Variants in HCN1 observed in about 807,000 individuals in gnomAD.
HCN1 encodes hyperpolarization activated cyclic nucleotide gated potassium channel 1.
HCN1 carries 13 observed loss-of-function variants against 78.9 expected under a neutral mutation model. That is an observed-to-expected ratio of 0.16 (90% CI 0.11 to 0.26). The LOEUF is 0.26. Among genes scored for constraint, HCN1 ranks in the 10% least tolerant of loss-of-function variants. The probability of loss-of-function intolerance (pLI) is 1.00; values close to 1 mark genes in which losing one functional copy is unlikely to be tolerated. For missense variants in HCN1, 810 were observed against 1,154.3 expected, an observed-to-expected ratio of 0.70 and a Z score of 4.32; for synonymous variants, 552 against 455.5, an observed-to-expected ratio of 1.21 and a Z score of -2.70.
At chr5:45,693,288 C>T (rs1376628076) in intron 1 of HCN1, among the ~76,000 whole-genome samples, 174 of 152,028 alleles carry the variant, frequency 1.1e-3, no homozygotes, top group African/African-American at 4.1e-3. Context: ...TAAATATATT[C>T]TGAATGTAAA....
chr5:45,420,068 C>T (rs917055570), intron 3 of HCN1, among the ~76,000 whole-genome samples: 1 of 152,146 alleles, frequency 6.6e-6, no homozygotes, highest in Non-Finnish European at 1.5e-5. Flanking sequence ...TAAATCTATG[C>T]ACTGAAGAAA....
intron 2 of HCN1, among the ~76,000 whole-genome samples, chr5:45,505,760 A>C (rs1482424425): frequency 6.6e-6 from 1 of 152,214 alleles, no homozygotes; most frequent in Non-Finnish European, 1.5e-5. Context: ...ATAAATATAC[A>C]TGCATATAGG....
chr5:45,348,034 G>A (rs975200580), intron 5 of HCN1, among the ~76,000 whole-genome samples: 1 of 152,098 alleles, frequency 6.6e-6, no homozygotes, highest in Non-Finnish European at 1.5e-5. Context: ...GATACTCCTT[G>A]AGAAGAGCAA....
At position 45,262,212 on chromosome 5, in the gene HCN1, G is replaced by A. The variant is rs754764304; in HGVS notation, c.2382C>T (p.Pro794=). The A allele has an allele frequency of 1.2e-5, 20 of 1,613,898 alleles. No homozygotes were observed. In the East Asian group the frequency reaches 3.6e-4, roughly 29 times the overall value. The change falls in exon 8 of 8, where the codon CCC becomes CCT. Residue 794 remains proline (P), a synonymous_variant. Coordinates refer to ENST00000303230, the MANE Select transcript of HCN1 (RefSeq NM_021072.4). ...RPLSASQPSL[P]HEVSTLISRP... ...TGGAAATCAGAGTGGACACCTCATG[G>A]GGCAGCGAGGGCTGCGAGGCGGAGA...
chr5:45,308,811 C>A (rs1298168725), intron 5 of HCN1, among the ~76,000 whole-genome samples: 1 of 152,090 alleles, frequency 6.6e-6, no homozygotes, highest in African/African-American at 2.4e-5. Context: ...ATGCCTCCAG[C>A]TTTGTTCTTT....
intron 2 of HCN1, among the ~76,000 whole-genome samples, chr5:45,494,726 G>C (rs1741985207): frequency 6.6e-6 from 1 of 152,118 alleles, no homozygotes; most frequent in African/African-American, 2.4e-5. Context: ...GGTTTTTATG[G>C]TTTTAGGTCT....
intron 2 of HCN1, among the ~76,000 whole-genome samples, chr5:45,504,943 G>T (rs905284493): frequency 6.6e-6 from 1 of 151,988 alleles, no homozygotes; most frequent in African/African-American, 2.4e-5. Context: ...TTTTTGATGG[G>T]GTTGTTTGTT....
intron 2 of HCN1, among the ~76,000 whole-genome samples, chr5:45,466,216 G>T (rs1407756554): frequency 6.6e-6 from 1 of 152,052 alleles, no homozygotes; most frequent in Non-Finnish European, 1.5e-5. Context: ...CTTTCCTGAT[G>T]AACTGGATTC....
intron 3 of HCN1, among the ~76,000 whole-genome samples, chr5:45,404,219 T>C (rs1252886469): frequency 2.0e-5 from 3 of 152,168 alleles, no homozygotes; most frequent in Admixed American, 1.3e-4. Context: ...AAGATGACTG[T>C]ATTATATTTT....
At chr5:45,451,436 T>C (rs1485183425) in intron 3 of HCN1, among the ~76,000 whole-genome samples, 1 of 152,062 alleles carries the variant, frequency 6.6e-6, no homozygotes, top group Non-Finnish European at 1.5e-5. Context: ...ATTTGCCTAA[T>C]ATTTACTGAT....
chr5:45,696,120 G>A lies in HCN1; in HGVS notation c.-27C>T. On this transcript the variant is annotated 5_prime_UTR_variant, in exon 1 of 8. Transcript: ENST00000303230. ...CCCGGAGGACGCGGCCGGCGACGGC[G>A]CGGGCTCCAGACTCGCCGGCCGCCC... is the stretch of plus-strand genomic sequence containing the variant. 7.6e-7 allele frequency: 1 copy of A among 1,310,852 alleles called. No individual in the cohort carries two copies. The highest frequency in any genetic ancestry group is 9.8e-7 in the Non-Finnish European group (1 of 1,017,042). 81.2% of individuals were successfully genotyped at this position (1,310,852 alleles called of 1,614,324 possible). A position where few individuals can be genotyped will look rare whatever the true frequency, so the allele number is the denominator to read the frequency against.
intron 4 of HCN1, among the ~76,000 whole-genome samples, chr5:45,389,763 A>C (rs1748002494): frequency 6.6e-6 from 1 of 152,160 alleles, no homozygotes; most frequent in South Asian, 2.1e-4. Flanking sequence ...CCTGCTTAAC[A>C]TATTTGTATT....
At chr5:45,292,723 C>G (rs1013324256) in intron 6 of HCN1, among the ~76,000 whole-genome samples, 3 of 151,834 alleles carry the variant, frequency 2.0e-5, no homozygotes, top group African/African-American at 7.3e-5. Context: ...TGCTTCACTA[C>G]TTTTCTAAGT....
At chr5:45,288,427 G>C (rs1365126748) in intron 6 of HCN1, among the ~76,000 whole-genome samples, 1 of 151,978 alleles carries the variant, frequency 6.6e-6, no homozygotes, top group African/African-American at 2.4e-5. Context: ...CACCCTTCAA[G>C]AGTCCCATTC....
chr5:45,452,319 G>GC (rs1308893692), intron 3 of HCN1, among the ~76,000 whole-genome samples: 2 of 137,408 alleles, frequency 1.5e-5, no homozygotes, highest in Non-Finnish European at 3.2e-5. Context: ...AGGGTATTTA[G>GC]TTTTTTTTTT....
intron 2 of HCN1, among the ~76,000 whole-genome samples, chr5:45,519,260 C>T (rs1212266958): frequency 6.6e-6 from 1 of 152,022 alleles, no homozygotes; most frequent in Non-Finnish European, 1.5e-5. Context: ...CAGACCACTA[C>T]AATGAGAAGT....
intron 5 of HCN1, among the ~76,000 whole-genome samples, chr5:45,322,337 C>T (rs557016177): frequency 6.6e-6 from 1 of 151,776 alleles, no homozygotes; most frequent in South Asian, 2.1e-4. Context: ...TTTAAAGGGT[C>T]CACTGGTCTA....
chr5:45,404,454 G>T (rs1490445161), intron 3 of HCN1, among the ~76,000 whole-genome samples: 10 of 150,840 alleles, frequency 6.6e-5, no homozygotes, highest in Admixed American at 4.6e-4. Context: ...GTTATTAAAA[G>T]TGTTCATTTA....
At chr5:45,652,780 T>C (rs1456354715) in intron 1 of HCN1, among the ~76,000 whole-genome samples, 3 of 151,990 alleles carry the variant, frequency 2.0e-5, no homozygotes, top group African/African-American at 7.2e-5. Flanking sequence ...CTTTCATCCA[T>C]CCACTATGCA....
Sources: gnomAD v4.1 joint callset for allele counts (sites outside exome capture counted in the v4.1 genomes callset) on GRCh38, gnomAD v4.1.1 for gene constraint, MANE v1.5 for transcripts, NCBI Gene and HGNC (gene_info 2026-07-23, HGNC 2026-07-21) for gene names.